DIP2B: variants seen among roughly 807,000 people sequenced by gnomAD.
DIP2B encodes the protein disco-interacting protein 2 homolog B.
Under a neutral mutation model 198.0 loss-of-function variants are expected in DIP2B, and 76 were observed. The observed-to-expected ratio is 0.38, with a 90% confidence interval of 0.32 to 0.46. The LOEUF is 0.46. Among genes scored for constraint, DIP2B ranks in the 20% least tolerant of loss-of-function variants. DIP2B has a pLI of 0.99. For synonymous variants in DIP2B, 701 were observed against 739.1 expected (o/e 0.95, Z 0.84); for missense variants, 1,559 against 1,978.4 (o/e 0.79, Z 4.02).
At chr12:50,665,818 C>G (rs190441817) in intron 4 of DIP2B, among the ~76,000 whole-genome samples, 1 of 151,576 alleles carries the variant, frequency 6.6e-6, no homozygotes, top group Non-Finnish European at 1.5e-5. Context: ...TAGATACTCA[C>G]GTGTATGCAT....
chr12:50,696,076 A>G (rs1939306647), intron 16 of DIP2B, 109 bp downstream of exon 16: 3 of 1,492,842 alleles, frequency 2.0e-6, no homozygotes, highest in South Asian at 2.5e-5. Context: ...CACTCATTTA[A>G]GATGTGTAAT....
At position 50,678,957 on chromosome 12, in the gene DIP2B, G is replaced by A. The variant is rs147216299; in HGVS notation, c.1114+81G>A. Reference sequence around the variant, plus strand: ...GGTAGTGTTTTTATCTAGATACTTAGCAGTTGCTGGCCATTATGTTTCAGT... The same window carrying A: ...GGTAGTGTTTTTATCTAGATACTTAACAGTTGCTGGCCATTATGTTTCAGT... On this transcript the variant is annotated intron_variant, in intron 8 of 37. Transcript: ENST00000301180. The A allele has an allele frequency of 8.2e-6, 12 of 1,456,530 alleles. No individual in the cohort carries two copies. In the African/African-American group the frequency reaches 1.5e-4, roughly 19 times the overall value. The allele number at this position is 1,456,530 out of a possible 1,614,324, so 90.2% of individuals were successfully genotyped here.
chr12:50,605,538 G>A (rs1050869532), intron 1 of DIP2B, among the ~76,000 whole-genome samples: 2 of 152,110 alleles, frequency 1.3e-5, no homozygotes, highest in Non-Finnish European at 2.9e-5. Context: ...ACTGCAGCCC[G>A]GTCAACAGAG....
intron 2 of DIP2B, among the ~76,000 whole-genome samples, chr12:50,638,068 A>G (rs1487820447): frequency 6.6e-6 from 1 of 152,206 alleles, no homozygotes; most frequent in Non-Finnish European, 1.5e-5. Flanking sequence ...TTTAAACATA[A>G]TGGTGACCTC....
intron 1 of DIP2B, among the ~76,000 whole-genome samples, chr12:50,534,556 G>T (rs560494704): frequency 1.3e-5 from 2 of 151,460 alleles, no homozygotes; most frequent in Non-Finnish European, 2.9e-5. Flanking sequence ...TACAGATGGG[G>T]TTTCGCCATG....
In DIP2B at chr12:50,662,128, T is replaced by C. The variant is rs183448987; in HGVS notation, c.427+1809T>C. On this transcript the variant is annotated intron_variant, in intron 4 of 37. Transcript: ENST00000301180. ...CGTTGTGGCCTAATGTTCTTGATCA[T>C]ATTATATGTTTTATACATAATAATT... 9.8e-5 allele frequency among the ~76,000 whole-genome samples: 15 copies of C among 152,368 alleles called. No individual in the cohort carries two copies. In the East Asian group the frequency reaches 2.7e-3, roughly 27 times the overall value.
intron 1 of DIP2B, among the ~76,000 whole-genome samples, chr12:50,510,161 TAGAG>T (rs2139337688): frequency 6.6e-6 from 1 of 152,256 alleles, no homozygotes; most frequent in African/African-American, 2.4e-5. Context: ...CTGAAAAAAT[TAGAG>T]TGATTATAAA....
intron 9 of DIP2B, among the ~76,000 whole-genome samples, chr12:50,681,428 T>TAAC (rs977416965): frequency 1.1e-4 from 17 of 151,454 alleles, no homozygotes; most frequent in South Asian, 4.2e-4. Flanking sequence ...AGTGAGACCC[T>TAAC]AACAACAACA....
At chr12:50,593,732 T>TCTCCCCTCCC (rs1565837073) in intron 1 of DIP2B, among the ~76,000 whole-genome samples, 3 of 4,972 alleles carry the variant, frequency 6.0e-4, no homozygotes, top group South Asian at 0.021. Context: ...TCTCCTCTCC[T>TCTCCCCTCCC]CTCCTCTCCT....
intron 3 of DIP2B, among the ~76,000 whole-genome samples, chr12:50,644,887 G>A (rs750450638): frequency 4.6e-5 from 7 of 152,128 alleles, no homozygotes; most frequent in Admixed American, 1.3e-4. Context: ...TTTTGGAAAT[G>A]TACTCTTTTT....
intron 3 of DIP2B, among the ~76,000 whole-genome samples, chr12:50,658,086 CAA>C (rs1156952803): frequency 3.1e-4 from 25 of 79,746 alleles, no homozygotes; most frequent in Non-Finnish European, 3.6e-4. Context: ...GACCTCATCT[CAA>C]AAAAAAAAAA....
At chr12:50,611,936 T>TG (rs1356811195) in intron 1 of DIP2B, among the ~76,000 whole-genome samples, 1 of 151,882 alleles carries the variant, frequency 6.6e-6, no homozygotes. Context: ...TGGTGGCTCT[T>TG]GCCTATAATC....
At chr12:50,652,346 TACACACACAC>T (rs34791599) in intron 3 of DIP2B, among the ~76,000 whole-genome samples, 1 of 140,438 alleles carries the variant, frequency 7.1e-6, no homozygotes, top group African/African-American at 2.6e-5. Context: ...ATATATATAA[TACACACACAC>T]ACACACACAC....
chr12:50,657,393 T>A (rs184173062), intron 3 of DIP2B, among the ~76,000 whole-genome samples: 1 of 152,210 alleles, frequency 6.6e-6, no homozygotes, highest in Non-Finnish European at 1.5e-5. Context: ...TTACAGTGAG[T>A]TTATTTAGCA....
chr12:50,585,393 G>A (rs1958761831), intron 1 of DIP2B, among the ~76,000 whole-genome samples: 1 of 152,200 alleles, frequency 6.6e-6, no homozygotes, highest in Non-Finnish European at 1.5e-5. Context: ...ATGAAGCGTG[G>A]GCTAAGGGGA....
In DIP2B at chr12:50,515,377, G is replaced by A. The variant is rs918697739; in HGVS notation, c.100+10137G>A. 3.3e-5 allele frequency among the ~76,000 whole-genome samples: 5 copies of A among 151,828 alleles called. 1 individual carries two copies. The highest frequency in any genetic ancestry group is 7.4e-5 in the Non-Finnish European group (5 of 67,950). On this transcript the variant is annotated intron_variant, in intron 1 of 37. Transcript: ENST00000301180. Reference sequence around the variant, plus strand: ...TCCCAAGTAGCTGGGATTAACAGGCGCCTGCCACCACGCCCAGCTAATTTT... The same window carrying A: ...TCCCAAGTAGCTGGGATTAACAGGCACCTGCCACCACGCCCAGCTAATTTT...
chr12:50,505,065 G>C lies in DIP2B; in HGVS notation c.-76G>C. On this transcript the variant is annotated 5_prime_UTR_variant, in exon 1 of 38. Transcript: ENST00000301180. ...GCGGCCGGAGCCGGATCCTGTAGCC[G>C]GGTGTGGGCCCGTGTCTGTCCGTCC... 2 of 1,398,288 alleles carry C rather than the reference G, an allele frequency of 1.4e-6. No individual in the cohort carries two copies. The highest frequency in any genetic ancestry group is 1.2e-5 in the South Asian group (1 of 80,984). 86.6% of individuals were successfully genotyped at this position (1,398,288 alleles called of 1,614,324 possible).
chr12:50,690,773 G>C (rs978455516), intron 12 of DIP2B, among the ~76,000 whole-genome samples: 2 of 152,058 alleles, frequency 1.3e-5, no homozygotes, highest in Non-Finnish European at 2.9e-5. Context: ...CCAATCACTT[G>C]TTTATTTTAG....
At chr12:50,586,485 TA>T (rs764694290) in intron 1 of DIP2B, among the ~76,000 whole-genome samples, 6 of 152,114 alleles carry the variant, frequency 3.9e-5, no homozygotes, top group African/African-American at 1.4e-4. Context: ...TCTGATACTT[TA>T]AAAAAAACTT....
Sources: gnomAD v4.1 joint callset for allele counts (sites outside exome capture counted in the v4.1 genomes callset) on GRCh38, gnomAD v4.1.1 for gene constraint, MANE v1.5 for transcripts, NCBI Gene and HGNC (gene_info 2026-07-23, HGNC 2026-07-21) for gene names.